DOCK7: variants seen among roughly 807,000 people sequenced by gnomAD.
DOCK7 encodes dedicator of cytokinesis 7.
A neutral mutation model predicts 271.0 loss-of-function variants in DOCK7; 138 were observed. The observed-to-expected ratio is 0.51, with a 90% confidence interval of 0.44 to 0.59. DOCK7 has a LOEUF of 0.59. Among genes scored for constraint, DOCK7 ranks in the 20% least tolerant of loss-of-function variants. The probability of loss-of-function intolerance (pLI) is 0.00; values close to 1 mark genes in which losing one functional copy is unlikely to be tolerated. For missense variants in DOCK7, 2,066 were observed against 2,592.4 expected (o/e 0.80, Z 4.41); for synonymous variants, 823 against 876.1 (o/e 0.94, Z 1.07).
At chr1:62,465,499 G>T (rs1191129180) in intron 48 of DOCK7, among the ~76,000 whole-genome samples, 2 of 151,162 alleles carry the variant, frequency 1.3e-5, no homozygotes, top group Admixed American at 6.6e-5. Flanking sequence ...AAAAAAATTT[G>T]TAAGCCCGTA....
intron 19 of DOCK7, among the ~76,000 whole-genome samples, 199 bp downstream of exon 19, chr1:62,561,418 T>C (rs998269510): frequency 6.6e-6 from 1 of 152,202 alleles, no homozygotes; most frequent in Non-Finnish European, 1.5e-5. Flanking sequence ...TGTTTGCTTT[T>C]GTTGACATTC....
At chr1:62,494,160 T>C (rs187961744) in intron 40 of DOCK7, 115 bp downstream of exon 40, 70 of 889,282 alleles carry the variant, frequency 7.9e-5, no homozygotes, top group Middle Eastern at 6.8e-4. Flanking sequence ...TTGTGAAGCA[T>C]TGGCTTAAGT....
intron 18 of DOCK7, among the ~76,000 whole-genome samples, chr1:62,567,843 G>C (rs1450258149): frequency 6.6e-6 from 1 of 150,528 alleles, no homozygotes; most frequent in African/African-American, 2.4e-5. Context: ...TAAAACACTT[G>C]TTTTCAGCTT....
chr1:62,582,407 G>A (rs554463824), intron 16 of DOCK7, among the ~76,000 whole-genome samples: 5 of 150,182 alleles, frequency 3.3e-5, no homozygotes, highest in African/African-American at 9.8e-5. Context: ...AAAATTAGCC[G>A]GGCGTAGTGG....
intron 43 of DOCK7, chr1:62,485,974 G>T (rs1232995646): frequency 6.6e-6 from 1 of 152,346 alleles, no homozygotes; most frequent in East Asian, 1.9e-4. Context: ...GTCATAACCA[G>T]TGAAAATTAT....
chr1:62,464,018 A>C (rs1250889696), intron 48 of DOCK7, among the ~76,000 whole-genome samples: 3 of 152,208 alleles, frequency 2.0e-5, no homozygotes, highest in Admixed American at 2.0e-4. Flanking sequence ...CAAAACAAAA[A>C]GTAAACACAT....
At chr1:62,656,803 G>A (rs912071380) in intron 2 of DOCK7, among the ~76,000 whole-genome samples, 12 of 151,746 alleles carry the variant, frequency 7.9e-5, no homozygotes, top group African/African-American at 1.2e-4. Flanking sequence ...TGGGAGGGCC[G>A]GGGGGTGGGG....
At chr1:62,467,936 C>T (rs527868360) in intron 48 of DOCK7, among the ~76,000 whole-genome samples, 2 of 152,214 alleles carry the variant, frequency 1.3e-5, no homozygotes, top group South Asian at 4.1e-4. Context: ...GTCAGGGATG[C>T]AGGGATGGTT....
chr1:62,484,639 A>C (rs1301897807), intron 43 of DOCK7: 1 of 152,066 alleles, frequency 6.6e-6, no homozygotes, highest in Non-Finnish European at 1.5e-5. Flanking sequence ...CATATGCACA[A>C]CACCATACCT....
intron 1 of DOCK7, among the ~76,000 whole-genome samples, chr1:62,686,967 G>C (rs1251457491): frequency 6.6e-6 from 1 of 151,702 alleles, no homozygotes; most frequent in Non-Finnish European, 1.5e-5. Flanking sequence ...AGATGGGGTG[G>C]GGGGGACTCG....
chr1:62,492,613 G>A, intron 41 of DOCK7, 91 bp downstream of exon 41: 1 of 1,511,230 alleles, frequency 6.6e-7, no homozygotes, highest in East Asian at 2.3e-5. Flanking sequence ...TTAAAGAAAA[G>A]TAGGGTCATA....
chr1:62,460,354 T>C (rs984119898), intron 48 of DOCK7, among the ~76,000 whole-genome samples: 1 of 152,114 alleles, frequency 6.6e-6, no homozygotes, highest in African/African-American at 2.4e-5. Flanking sequence ...TTAAAAAAAC[T>C]GTGTTGAACA....
intron 21 of DOCK7, among the ~76,000 whole-genome samples, chr1:62,553,370 T>A (rs1423405273): frequency 8.6e-3 from 69 of 7,992 alleles, no homozygotes; most frequent in Middle Eastern, 0.1. Context: ...TTTTTTTTTT[T>A]TTTTTTTTTT....
At chr1:62,611,041 C>G (rs1028848181) in intron 14 of DOCK7, among the ~76,000 whole-genome samples, 1 of 152,176 alleles carries the variant, frequency 6.6e-6, no homozygotes, top group African/African-American at 2.4e-5. Context: ...GCCACACTGT[C>G]TTCCACAATG....
chr1:62,536,461 CT>C (rs1383464680), intron 28 of DOCK7, among the ~76,000 whole-genome samples: 30 of 152,206 alleles, frequency 2.0e-4, no homozygotes, highest in Non-Finnish European at 3.7e-4. Context: ...TATGATTAAT[CT>C]GTCTTTGTGT....
At chr1:62,486,207 T>C (rs1646287205) in intron 43 of DOCK7, 1 of 152,152 alleles carries the variant, frequency 6.6e-6, no homozygotes. Context: ...GTCATATACA[T>C]TTAATCTAGA....
At chr1:62,469,680 A>G (rs1645773948) in intron 48 of DOCK7, among the ~76,000 whole-genome samples, 1 of 152,238 alleles carries the variant, frequency 6.6e-6, no homozygotes. Flanking sequence ...CAAAGGACTA[A>G]TATCCAGAAT....
At chr1:62,608,694 G>C (rs1651353271) in intron 14 of DOCK7, 1 of 152,068 alleles carries the variant, frequency 6.6e-6, no homozygotes. Context: ...AGTTTATTTT[G>C]AACCAGTATG....
At chr1:62,495,912 C>CA (rs914465532) in intron 38 of DOCK7, 2 of 412,586 alleles carry the variant, frequency 4.8e-6, no homozygotes, top group African/African-American at 4.2e-5. Context: ...CACCTGGAAA[C>CA]AAGCAGAACT....
Sources: allele counts gnomAD v4.1 joint callset (sites outside exome capture counted in the v4.1 genomes callset), GRCh38; gene constraint gnomAD v4.1.1; transcripts MANE v1.5; gene names NCBI Gene and HGNC (gene_info 2026-07-23, HGNC 2026-07-21).